BTN2A1: variants seen among roughly 807,000 people sequenced by gnomAD.
BTN2A1 encodes the protein butyrophilin, subfamily 2, member A1.
In BTN2A1, 41 loss-of-function variants were observed where a neutral mutation model predicts 34.5. The observed-to-expected ratio is 1.19, with a 90% CI of 0.93 to 1.54. The LOEUF (loss-of-function observed/expected upper bound fraction) is 1.54, where lower values mean the gene tolerates loss of function less well. Ranked by LOEUF, BTN2A1 falls within the 40% of genes most tolerant of loss-of-function variation. The pLI, the probability that BTN2A1 is intolerant of heterozygous loss-of-function variation, is 0.00. For synonymous variants in BTN2A1, 267 were observed against 258.6 expected (o/e 1.03, Z -0.31); for missense variants, 642 against 662.0 (o/e 0.97, Z 0.33).
rs1312895828 is a variant in BTN2A1 at position 26,466,102 on chromosome 6, A to G, written c.982+14A>G. On this transcript the variant is annotated intron_variant, in intron 7 of 7. Transcript: ENST00000312541. ...TCTTACATGCTGGTGAGTGCCTCTG[A>G]TGTTCCCTCAGATCTCAGCTTTCTC... 2 of 1,613,162 alleles carry G rather than the reference A, an allele frequency of 1.2e-6. No homozygotes were observed. Among genetic ancestry groups the G allele is most frequent in the Admixed American group, 1.7e-5 (1 of 60,008 alleles).
chr6:26,470,575 GTGGAC>G (rs1436419118), downstream of BTN2A1, among the ~76,000 whole-genome samples: 2 of 152,206 alleles, frequency 1.3e-5, no homozygotes, highest in African/African-American at 4.8e-5. Context: ...ATGTGAGTCA[GTGGAC>G]TGAGTGGAAG....
exon 8 of BTN2A1, chr6:26,476,536 C>T (rs753768890): frequency 3.1e-6 from 1 of 321,266 alleles, no homozygotes; most frequent in Non-Finnish European, 6.1e-6. Flanking sequence ...CCAACCACTT[C>T]GGCACATGTT....
At chr6:26,466,259 G>A (rs73738455) in intron 7 of BTN2A1, among the ~76,000 whole-genome samples, 171 bp downstream of exon 7, 4,700 of 152,216 alleles carry the variant, frequency 0.031, 149 homozygotes, top group African/African-American at 0.086. Context: ...CTTCTGTCAG[G>A]GAATCCCAGC....
At chr6:26,473,168 G>A (rs1297130743), downstream of BTN2A1, among the ~76,000 whole-genome samples, 1 of 152,058 alleles carries the variant, frequency 6.6e-6, no homozygotes, top group Admixed American at 6.6e-5. Context: ...GGGTATCACT[G>A]GGGACCCATT....
chr6:26,465,520 G>A (rs1232380329), intron 5 of BTN2A1, 114 bp downstream of exon 5: 1 of 950,406 alleles, frequency 1.1e-6, no homozygotes, highest in Non-Finnish European at 1.6e-6. Flanking sequence ...GATAAAGTGA[G>A]ACCCTGTTTA....
In BTN2A1 at chr6:26,459,579, G is replaced by A. The variant is rs777261845; in HGVS notation, c.181G>A (p.Asp61Asn). 1.5e-5 allele frequency: 24 copies of A among 1,613,972 alleles called. No homozygotes were observed. In the East Asian group the frequency reaches 4.5e-4, roughly 30 times the overall value. Residue 61 changes from aspartate to asparagine, a missense_variant, in exon 3 of 8, where the codon GAC (aspartate) becomes AAC (asparagine). Physicochemically the swap from Asp to Asn is conservative, Grantham distance 23. Transcript: ENST00000312541. ...CHLSPEKNAE[D>N]MEVRWFRSQF... Reference sequence around the variant, plus strand: ...TCTGTCACCCGAGAAAAATGCTGAGGACATGGAGGTGCGGTGGTTCCGGTC... The same window carrying A: ...TCTGTCACCCGAGAAAAATGCTGAGAACATGGAGGTGCGGTGGTTCCGGTC...
At chr6:26,473,598 C>T (rs916363961), downstream of BTN2A1, among the ~76,000 whole-genome samples, 3 of 152,180 alleles carry the variant, frequency 2.0e-5, no homozygotes, top group Non-Finnish European at 4.4e-5. Context: ...TGATAATATC[C>T]TCCATGTAAC....
At position 26,465,102 on chromosome 6, in the gene BTN2A1, G is replaced by C. The variant is rs6917739; in HGVS notation, c.713-83G>C. 1.5e-3 allele frequency: 1,730 copies of C among 1,146,034 alleles called. 14 individuals are homozygous for C. The African/African-American group carries it at 0.02, about 13-fold the overall frequency. The allele number at this position is 1,146,034 out of a possible 1,614,324, so 71.0% of individuals were successfully genotyped here. On this transcript the variant is annotated intron_variant, in intron 4 of 7. Transcript: ENST00000312541. ...AAGCAGGAGAGCAGGTGGCTGAGGA[G>C]CTCTTCAAGTGTGCTCCTAGGGGCA...
chr6:26,470,067 G>C (rs1763421678), downstream of BTN2A1, among the ~76,000 whole-genome samples: 1 of 152,082 alleles, frequency 6.6e-6, no homozygotes, highest in Non-Finnish European at 1.5e-5. Context: ...CAAAACACAG[G>C]TCGGGCACGG....
downstream of BTN2A1, among the ~76,000 whole-genome samples, chr6:26,474,561 A>G (rs932873822): frequency 1.3e-5 from 2 of 152,270 alleles, no homozygotes; most frequent in Non-Finnish European, 2.9e-5. Context: ...CAGGGCTACA[A>G]GGCCTGGAAG....
rs1231649339 is a variant in BTN2A1 at position 26,463,379 on chromosome 6, T to G, written c.566T>G (p.Leu189Arg). 3 of 1,614,088 alleles carry G rather than the reference T, an allele frequency of 1.9e-6. No individual in the cohort carries two copies. Among genetic ancestry groups the G allele is most frequent in the Non-Finnish European group, 2.5e-6 (3 of 1,179,998 alleles). ...CCCTACGGTGGGGTTGCGCCTGCCC[T>G]GAAAGAGGTCTCCATGCCTGATGCA... is the stretch of plus-strand genomic sequence containing the variant. ...RDPYGGVAPA[L>R]KEVSMPDADG... is the part of the protein sequence containing the mutation. The change falls in exon 4 of 8, where the codon CTG becomes CGG. Residue 189 changes from leucine (L) to arginine (R), a missense_variant. By Grantham distance (102) the Leu-to-Arg change is moderately radical. Transcript: ENST00000312541.
At chr6:26,474,739 A>G (rs577273244) in intron 7 of BTN2A1, among the ~76,000 whole-genome samples, 124 of 146,638 alleles carry the variant, frequency 8.5e-4, no homozygotes, top group Middle Eastern at 3.4e-3. Context: ...AATTACAGTC[A>G]GAAAGGAGCA....
At chr6:26,458,762 A>T (rs200522594) in intron 2 of BTN2A1, 44 bp downstream of exon 2, 16 of 1,599,138 alleles carry the variant, frequency 1.0e-5, no homozygotes, top group Admixed American at 8.3e-5. Flanking sequence ...TCAGAAAGGA[A>T]CATCAACCCT....
At chr6:26,458,485 G>A (rs1763068112) in intron 1 of BTN2A1, 122 bp from the exon 2 acceptor site, 5 of 758,448 alleles carry the variant, frequency 6.6e-6, no homozygotes, top group Non-Finnish European at 1.2e-5. Context: ...CTGAGCCTTC[G>A]GATGCAGGGG....
chr6:26,458,746 C>T, intron 2 of BTN2A1, 28 bp downstream of exon 2: 1 of 1,609,562 alleles, frequency 6.2e-7, no homozygotes, highest in Non-Finnish European at 8.5e-7. Flanking sequence ...TTGCTGCTGT[C>T]ACCTATCAGA....
downstream of BTN2A1, among the ~76,000 whole-genome samples, chr6:26,473,734 A>G (rs1189239345): frequency 2.0e-5 from 3 of 152,222 alleles, no homozygotes; most frequent in African/African-American, 7.2e-5. Context: ...GATATAAAAG[A>G]CAGCTGAATG....
At chr6:26,469,979 G>A (rs1763420545), downstream of BTN2A1, among the ~76,000 whole-genome samples, 1 of 152,098 alleles carries the variant, frequency 6.6e-6, no homozygotes, top group Non-Finnish European at 1.5e-5. Flanking sequence ...TGAGCCAGGA[G>A]TTGGAGTTTG....
At chr6:26,463,077 A>T (rs374536452) in intron 3 of BTN2A1, among the ~76,000 whole-genome samples, 167 bp from the exon 4 acceptor site, 2 of 152,130 alleles carry the variant, frequency 1.3e-5, no homozygotes, top group African/African-American at 4.8e-5. Flanking sequence ...TCCAACATCA[A>T]TGTTCTTTCT....
intron 3 of BTN2A1, among the ~76,000 whole-genome samples, chr6:26,460,358 C>G (rs928120084): frequency 2.0e-5 from 3 of 152,032 alleles, no homozygotes; most frequent in African/African-American, 7.2e-5. Context: ...TTAATCTTTA[C>G]TTCATCTTTC....
Sources: gnomAD v4.1 joint callset for allele counts (sites outside exome capture counted in the v4.1 genomes callset) on GRCh38, gnomAD v4.1.1 for gene constraint, MANE v1.5 for transcripts, NCBI Gene and HGNC (gene_info 2026-07-23, HGNC 2026-07-21) for gene names.